DHX9: variants seen among roughly 807,000 people sequenced by gnomAD.
The protein encoded by DHX9 is ATP-dependent RNA helicase A.
In DHX9, 27 loss-of-function variants were observed where a neutral mutation model predicts 148.7. That is an observed-to-expected ratio of 0.18 (90% CI 0.13 to 0.25). The LOEUF is 0.25. Among genes scored for constraint, DHX9 ranks in the 10% least tolerant of loss-of-function variants. The pLI is 1.00. For missense variants in DHX9, 796 were observed against 1,559.6 expected (o/e 0.51, Z 8.25); for synonymous variants, 529 against 516.6 (o/e 1.02, Z -0.33).
At chr1:182,870,199 G>C (rs2102610978) in intron 14 of DHX9, among the ~76,000 whole-genome samples, 1 of 152,284 alleles carries the variant, frequency 6.6e-6, no homozygotes, top group African/African-American at 2.4e-5. Context: ...AAAAGACCAT[G>C]TTTATATGTA....
chr1:182,875,911 C>A, intron 16 of DHX9, 139 bp from the exon 17 acceptor site: 1 of 669,130 alleles, frequency 1.5e-6, no homozygotes, highest in Non-Finnish European at 2.5e-6. Flanking sequence ...TAAATTTCTT[C>A]TGTATTCTAT....
intron 1 of DHX9, among the ~76,000 whole-genome samples, chr1:182,841,778 T>A (rs1167804722): frequency 6.6e-6 from 1 of 152,238 alleles, no homozygotes; most frequent in Non-Finnish European, 1.5e-5. Flanking sequence ...ACTCAGCATT[T>A]AGACTGATAG....
chr1:182,848,127 G>A (rs1035042090), intron 3 of DHX9, among the ~76,000 whole-genome samples: 3 of 152,016 alleles, frequency 2.0e-5, no homozygotes, highest in African/African-American at 7.3e-5. Flanking sequence ...TATACCTGAA[G>A]GACTCTTCCC....
intron 1 of DHX9, chr1:182,839,961 T>C (rs895843688): frequency 6.6e-6 from 1 of 152,244 alleles, no homozygotes; most frequent in Non-Finnish European, 1.5e-5. Flanking sequence ...GGAGGGAGGC[T>C]TTGAGCTGAT....
rs1571315934 is a variant in DHX9, at chr1:182,872,283, CTTG to C, written c.1558-51_1558-49del. 6.8e-6 allele frequency: 10 copies of C among 1,468,674 alleles called. No homozygotes were observed. The East Asian group carries it at 2.3e-4, about 33-fold the overall frequency. The allele number at this position is 1,468,674 out of a possible 1,614,324, so 91.0% of individuals were successfully genotyped here. A position where few individuals can be genotyped will look rare whatever the true frequency, so the allele number is the denominator to read the frequency against. ...GGCTGTATAACTCTTTTAGGCATAGCTTGTTATATAAACTTAATGTAATTTCAA... is the reference window on the plus strand; with the variant it reads ...GGCTGTATAACTCTTTTAGGCATAGCTTATATAAACTTAATGTAATTTCAA... On this transcript the variant is annotated intron_variant, in intron 14 of 27. Coordinates refer to ENST00000367549, the MANE Select transcript of DHX9 (RefSeq NM_001357.5).
At chr1:182,884,898 G>A in intron 27 of DHX9, 85 bp downstream of exon 27, 1 of 1,291,330 alleles carries the variant, frequency 7.7e-7, no homozygotes, top group Non-Finnish European at 1.1e-6. Context: ...AGTGATAGAA[G>A]CCCTATTACT....
intron 22 of DHX9, 90 bp downstream of exon 22, chr1:182,880,698 AC>A: frequency 5.0e-6 from 4 of 804,152 alleles, no homozygotes; most frequent in Admixed American, 2.7e-5. Context: ...GCTCAGATAG[AC>A]AAAAAAAAAA....
intron 26 of DHX9, 30 bp downstream of exon 26, chr1:182,883,665 T>C: frequency 1.3e-6 from 2 of 1,486,674 alleles, no homozygotes; most frequent in Non-Finnish European, 9.4e-7. Context: ...AACTCCAAAC[T>C]GAATTCTTAG....
At chr1:182,872,198 G>T (rs1648578757) in intron 14 of DHX9, 139 bp from the exon 15 acceptor site, 1 of 649,088 alleles carries the variant, frequency 1.5e-6, no homozygotes, top group African/African-American at 1.8e-5. Flanking sequence ...ATCCATTGTG[G>T]TCCTTTATCT....
rs767080767 is a variant in DHX9, at chr1:182,881,251, TTG to T, written c.2625-9_2625-8del. 1 of 1,610,018 alleles carries T rather than the reference TTG, an allele frequency of 6.2e-7. No individual in the cohort carries two copies. Among genetic ancestry groups the T allele is most frequent in the East Asian group, 2.2e-5 (1 of 44,858 alleles). On this transcript the variant is annotated splice_polypyrimidine_tract_variant and intron_variant, in intron 22 of 27. Transcript: ENST00000367549. ...TGATCTAGTCTGGATTTAACTGTCTTTGTGTATTTCAGCGTGGGAGATGCTAT... is the reference window on the plus strand; with the variant it reads ...TGATCTAGTCTGGATTTAACTGTCTTTGTATTTCAGCGTGGGAGATGCTAT...
Position 182,878,108 on chromosome 1 carries a change from A to G in DHX9, c.2286A>G (p.Lys762=), listed in dbSNP as rs767748888. ...CAAAAACAAACCTTGAGCAACGGAA[A>G]GGGCGAGCTGGCCGAGTACGGCCTG... ...WASKTNLEQR[K]GRAGRVRPGF... is the part of the protein sequence containing the mutation. Residue 762 remains lysine (K), a synonymous_variant, in exon 20 of 28, where the codon AAA becomes AAG. Transcript: ENST00000367549. The G allele has an allele frequency of 6.2e-7, 1 of 1,614,292 alleles. No homozygotes were observed. Among genetic ancestry groups the G allele is most frequent in the Non-Finnish European group, 8.5e-7 (1 of 1,180,054 alleles).
intron 16 of DHX9, among the ~76,000 whole-genome samples, chr1:182,875,518 G>A (rs1648720403): frequency 6.6e-6 from 1 of 152,190 alleles, no homozygotes; most frequent in Non-Finnish European, 1.5e-5. Flanking sequence ...ACTTTGTAGT[G>A]CTTGAGAGTT....
chr1:182,881,036 A>G (rs1649063064), intron 22 of DHX9, among the ~76,000 whole-genome samples: 2 of 152,218 alleles, frequency 1.3e-5, no homozygotes, highest in Admixed American at 1.3e-4. Context: ...GGAAAAATAT[A>G]CTTGGTCATA....
intron 3 of DHX9, among the ~76,000 whole-genome samples, chr1:182,845,068 C>G (rs1443821384): frequency 6.6e-6 from 1 of 152,184 alleles, no homozygotes; most frequent in African/African-American, 2.4e-5. Flanking sequence ...TCCTTCCATT[C>G]CTTTGACTAA....
chr1:182,858,076 G>C (rs754031543), intron 7 of DHX9, 28 bp from the exon 8 acceptor site: 1 of 1,595,186 alleles, frequency 6.3e-7, no homozygotes, highest in Non-Finnish European at 8.5e-7. Flanking sequence ...ATTTCTTTCT[G>C]TCTGATAATC....
intron 14 of DHX9, among the ~76,000 whole-genome samples, chr1:182,870,958 A>T (rs1648529877): frequency 6.6e-6 from 1 of 152,218 alleles, no homozygotes; most frequent in Non-Finnish European, 1.5e-5. Flanking sequence ...TACAGAGTAC[A>T]TCTCAATTCA....
At chr1:182,862,276 C>A (rs539634928) in intron 12 of DHX9, among the ~76,000 whole-genome samples, 31 of 152,080 alleles carry the variant, frequency 2.0e-4, no homozygotes, top group South Asian at 1.0e-3. Flanking sequence ...TATGGACTGG[C>A]GTATAACAGA....
intron 21 of DHX9, 47 bp from the exon 22 acceptor site, chr1:182,880,450 A>G: frequency 1.5e-6 from 2 of 1,299,764 alleles, no homozygotes; most frequent in Non-Finnish European, 2.2e-6. Flanking sequence ...GTCTGCCTAA[A>G]ATTAGTGTTC....
rs1668297560 is a variant in DHX9 at position 182,858,636 on chromosome 1, C to T, written c.896C>T (p.Pro299Leu). Residue 299 changes from proline to leucine, a missense_variant, in exon 9 of 28, where the codon CCC (proline) becomes CTC (leucine). Physicochemically the swap from Pro to Leu is moderately conservative, Grantham distance 98. Transcript: ENST00000367549. The stretch of plus-strand genomic sequence containing the variant: ...CAAGAGCTAAATCTTGAGATTTTGC[C>T]CCCGGTAAGCATAAAGCTGTTTAGT... ...IIQELNLEIL[P>L]PPEDPSVPVA... The T allele has an allele frequency of 6.2e-7, 1 of 1,607,914 alleles. No homozygotes were observed. The highest frequency in any genetic ancestry group is 2.2e-5 in the East Asian group (1 of 44,688).
Sources: gnomAD v4.1 joint callset for allele counts (sites outside exome capture counted in the v4.1 genomes callset) on GRCh38, gnomAD v4.1.1 for gene constraint, MANE v1.5 for transcripts, NCBI Gene and HGNC (gene_info 2026-07-23, HGNC 2026-07-21) for gene names.